CDH12: variants seen among roughly 807,000 people sequenced by gnomAD.
CDH12 encodes cadherin 12, also known as cadherin-12.
Under a neutral mutation model 74.1 loss-of-function variants are expected in CDH12, and 41 were observed. The ratio of observed to expected loss-of-function variants is 0.55; its 90% CI spans 0.43 to 0.72. The LOEUF (loss-of-function observed/expected upper bound fraction) is 0.72. Among genes scored for constraint, CDH12 ranks in the 30% least tolerant of loss-of-function variants. The probability of loss-of-function intolerance (pLI) is 0.00; values close to 1 mark genes in which losing one functional copy is unlikely to be tolerated. For synonymous variants in CDH12, 399 were observed against 355.0 expected (o/e 1.12, Z -1.39); for missense variants, 945 against 977.2 (o/e 0.97, Z 0.44).
At chr5:22,492,160 C>T (rs576834539) in intron 2 of CDH12, among the ~76,000 whole-genome samples, 1 of 152,126 alleles carries the variant, frequency 6.6e-6, no homozygotes, top group South Asian at 2.1e-4. Context: ...GCACAGATAA[C>T]AGCGCCCTGG....
At chr5:22,799,954 T>C (rs1219441779) in intron 1 of CDH12, among the ~76,000 whole-genome samples, 1 of 152,154 alleles carries the variant, frequency 6.6e-6, no homozygotes, top group Non-Finnish European at 1.5e-5. Context: ...AATCTGAATG[T>C]AAATGGAGTT....
chr5:22,613,765 T>C (rs966330030), intron 1 of CDH12, among the ~76,000 whole-genome samples: 15 of 152,128 alleles, frequency 9.9e-5, no homozygotes, highest in Middle Eastern at 3.4e-3. Flanking sequence ...ATTGCTTTGA[T>C]TGGGGGTAAA....
intron 11 of CDH12, among the ~76,000 whole-genome samples, chr5:21,770,147 A>G (rs1745242242): frequency 6.6e-6 from 1 of 152,170 alleles, no homozygotes; most frequent in South Asian, 2.1e-4. Flanking sequence ...TTCAAAGGAC[A>G]AGGCAGAGCT....
At chr5:21,790,041 T>G (rs972369388) in intron 10 of CDH12, among the ~76,000 whole-genome samples, 1 of 152,116 alleles carries the variant, frequency 6.6e-6, no homozygotes, top group African/African-American at 2.4e-5. Flanking sequence ...GACAATCAAT[T>G]ATTTCTGATT....
intron 1 of CDH12, among the ~76,000 whole-genome samples, chr5:22,662,566 C>G (rs1341428145): frequency 6.6e-6 from 1 of 152,164 alleles, no homozygotes; most frequent in African/African-American, 2.4e-5. Context: ...CTGCCATAAA[C>G]AGGAAAAATA....
At chr5:21,772,548 A>G (rs1048262977) in intron 11 of CDH12, among the ~76,000 whole-genome samples, 1 of 152,190 alleles carries the variant, frequency 6.6e-6, no homozygotes, top group Non-Finnish European at 1.5e-5. Context: ...TGCTGGGATT[A>G]TAGGTGTGAG....
chr5:22,100,322 G>A (rs1014782868), intron 4 of CDH12, among the ~76,000 whole-genome samples: 1 of 152,080 alleles, frequency 6.6e-6, no homozygotes, highest in African/African-American at 2.4e-5. Context: ...ATATATTGAG[G>A]ACTGTGCGTA....
intron 1 of CDH12, among the ~76,000 whole-genome samples, chr5:22,723,827 G>C (rs1729769852): frequency 6.6e-6 from 1 of 151,898 alleles, no homozygotes; most frequent in African/African-American, 2.4e-5. Flanking sequence ...ATGGTTTCTT[G>C]ATGTACAGTT....
chr5:21,853,351 A>G (rs1246389506), intron 7 of CDH12, among the ~76,000 whole-genome samples: 1 of 151,554 alleles, frequency 6.6e-6, no homozygotes, highest in African/African-American at 2.4e-5. Flanking sequence ...TCTCTTCAGT[A>G]CCGATACTCC....
intron 6 of CDH12, chr5:21,882,662 T>C: frequency 6.2e-7 from 1 of 1,606,128 alleles, no homozygotes; most frequent in Non-Finnish European, 8.5e-7. Flanking sequence ...CACTCGAGCT[T>C]ATGCCAAAGA....
At chr5:22,309,922 G>A (rs369377408) in intron 3 of CDH12, among the ~76,000 whole-genome samples, 33 of 135,900 alleles carry the variant, frequency 2.4e-4, no homozygotes, top group East Asian at 2.1e-3. Context: ...AAATTCTGCC[G>A]TTAATAAATA....
chr5:22,812,667 A>C (rs1414124740), intron 1 of CDH12, among the ~76,000 whole-genome samples: 2 of 152,224 alleles, frequency 1.3e-5, no homozygotes, highest in African/African-American at 4.8e-5. Flanking sequence ...GCAAGGATTC[A>C]AAGAACTGGA....
At chr5:22,479,627 G>A (rs1264955306) in intron 2 of CDH12, among the ~76,000 whole-genome samples, 2 of 152,214 alleles carry the variant, frequency 1.3e-5, no homozygotes, top group East Asian at 1.9e-4. Flanking sequence ...TGGACTAATC[G>A]TAAACATTTA....
intron 1 of CDH12, among the ~76,000 whole-genome samples, chr5:22,817,642 T>C (rs1749459188): frequency 6.6e-6 from 1 of 152,168 alleles, no homozygotes; most frequent in Admixed American, 6.6e-5. Flanking sequence ...CTATCCAATC[T>C]TGACTTTTAA....
chr5:21,864,362 T>C (rs1404697122), intron 6 of CDH12, among the ~76,000 whole-genome samples: 1 of 152,152 alleles, frequency 6.6e-6, no homozygotes, highest in Non-Finnish European at 1.5e-5. Context: ...TGTGGGTAGA[T>C]ACCATACAAT....
intron 3 of CDH12, among the ~76,000 whole-genome samples, chr5:22,229,494 A>G (rs1752313478): frequency 6.6e-6 from 1 of 152,106 alleles, no homozygotes; most frequent in African/African-American, 2.4e-5. Context: ...TAATGCTGAA[A>G]AGGCACAAAA....
chr5:22,704,671 AG>A (rs1308745398), intron 1 of CDH12, among the ~76,000 whole-genome samples: 1 of 152,170 alleles, frequency 6.6e-6, no homozygotes, highest in African/African-American at 2.4e-5. Flanking sequence ...GTTTGGAAAA[AG>A]TTAGAAATAA....
chr5:22,296,703 T>C (rs1737638022), intron 3 of CDH12, among the ~76,000 whole-genome samples: 1 of 152,194 alleles, frequency 6.6e-6, no homozygotes, highest in Non-Finnish European at 1.5e-5. Context: ...TTTTATTAAT[T>C]GAGAAAATAA....
intron 11 of CDH12, among the ~76,000 whole-genome samples, chr5:21,772,379 T>C (rs1745367819): frequency 1.3e-5 from 2 of 152,156 alleles, no homozygotes; most frequent in African/African-American, 2.4e-5. Flanking sequence ...CTTGTACTTA[T>C]CCTTGGTTTC....
Sources: allele counts gnomAD v4.1 joint callset (sites outside exome capture counted in the v4.1 genomes callset), GRCh38; gene constraint gnomAD v4.1.1; transcripts MANE v1.5; gene names NCBI Gene and HGNC (gene_info 2026-07-23, HGNC 2026-07-21).